The following LHX2 variants were observed in gnomAD, a reference collection of about 807,000 sequenced individuals.
LHX2 encodes the protein LIM/homeobox protein Lhx2.
LHX2 carries 6 observed loss-of-function variants against 33.0 expected under a neutral mutation model. The ratio of observed to expected loss-of-function variants is 0.18; its 90% confidence interval spans 0.10 to 0.36. The LOEUF (loss-of-function observed/expected upper bound fraction) is 0.36, where lower values mean the gene tolerates loss of function less well. LHX2 is among the 10% of genes least tolerant of loss of function. The pLI is 1.00. For synonymous variants in LHX2, 292 were observed against 253.1 expected (o/e 1.15, Z -1.46); for missense variants, 442 against 586.2 (o/e 0.75, Z 2.54).
intron 4 of LHX2, among the ~76,000 whole-genome samples, chr9:124,029,442 A>G (rs1377448928): frequency 6.6e-6 from 1 of 152,258 alleles, no homozygotes; most frequent in East Asian, 1.9e-4. Context: ...GACAACATGA[A>G]GAACAAACCC....
Position 124,021,271 on chromosome 9 carries a change from G to A in LHX2, c.900G>A (p.Ala300=), listed in dbSNP as rs756124870. 3.1e-6 allele frequency: 5 copies of A among 1,613,828 alleles called. No homozygotes were observed. The African/African-American group carries it at 4.0e-5, about 13-fold the overall frequency. ...ACGCCAAGGACTTGAAGCAGCTCGC[G>A]CAAAAGACGGGCCTCACCAAGCGGG... ...NPDAKDLKQL[A]QKTGLTKRVL... is the part of the protein sequence containing the mutation. The change falls in exon 4 of 5, where the codon GCG becomes GCA. Residue 300 remains alanine, a synonymous_variant. Coordinates refer to ENST00000373615, the MANE Select transcript of LHX2 (RefSeq NM_004789.4).
chr9:124,020,001 T>C (rs1329214086), intron 3 of LHX2, among the ~76,000 whole-genome samples: 1 of 152,156 alleles, frequency 6.6e-6, no homozygotes, highest in Non-Finnish European at 1.5e-5. Flanking sequence ...ATGAGGCTCC[T>C]TGTGGTTAGG....
intron 4 of LHX2, among the ~76,000 whole-genome samples, chr9:124,031,272 C>T (rs190092812): frequency 6.6e-6 from 1 of 152,170 alleles, no homozygotes; most frequent in African/African-American, 2.4e-5. Context: ...CTCCCCCAAC[C>T]GATGATGGGG....
At position 124,015,019 on chromosome 9, in the gene LHX2, TGAG is replaced by T. The variant is rs1298914272; in HGVS notation, c.324-98_324-96del. ...CAAATAAAGGCCGGGTTGTTCGTCTTGAGGAGGGGATTGCCCCCCGCAGCAGCA... is the reference window on the plus strand; with the variant it reads ...CAAATAAAGGCCGGGTTGTTCGTCTTGAGGGGATTGCCCCCCGCAGCAGCA... On this transcript the variant is annotated intron_variant, in intron 2 of 4. Transcript: ENST00000373615. This position sits in a 1 kb window ranked among gnomAD's most constrained non-coding sequence, Gnocchi z 7.9. 1.3e-5 allele frequency: 18 copies of T among 1,368,094 alleles called. No individual in the cohort carries two copies. In the East Asian group the frequency reaches 3.5e-4, roughly 26 times the overall value. The allele number at this position is 1,368,094 out of a possible 1,614,324, so 84.7% of individuals were successfully genotyped here. A position where few individuals can be genotyped will look rare whatever the true frequency, so the allele number is the denominator to read the frequency against.
intron 1 of LHX2, among the ~76,000 whole-genome samples, chr9:124,013,662 G>C (rs1265775233): frequency 6.6e-6 from 1 of 152,260 alleles, no homozygotes; most frequent in African/African-American, 2.4e-5. Context: ...CGAGCATTTT[G>C]GGGGAAAGGA....
At chr9:124,021,671 C>T (rs1310627644) in intron 4 of LHX2, 2 of 189,768 alleles carry the variant, frequency 1.1e-5, no homozygotes, top group Non-Finnish European at 2.2e-5. Context: ...TCAAACATTT[C>T]AGATAAATCT....
At chr9:124,019,886 C>A (rs1023041178) in intron 3 of LHX2, among the ~76,000 whole-genome samples, 4 of 152,204 alleles carry the variant, frequency 2.6e-5, no homozygotes, top group Non-Finnish European at 1.5e-5. Flanking sequence ...AGGGGTCCTG[C>A]AGGTCCCCAT....
chr9:124,012,388 G>T lies in LHX2; in HGVS notation c.40G>T (p.Val14Phe). 6.5e-7 allele frequency: 1 copy of T among 1,532,330 alleles called. No homozygotes were observed. Among genetic ancestry groups the T allele is most frequent in the Non-Finnish European group, 8.7e-7 (1 of 1,144,160 alleles). 94.9% of individuals were successfully genotyped at this position (1,532,330 alleles called of 1,614,324 possible). Residue 14 changes from valine to phenylalanine, a missense_variant, in exon 1 of 5, where the codon GTC becomes TTC. This residue lies in a region of LHX2 where 97 missense variants were observed against 81.5 expected (regional missense o/e 1.19). Transcript: ENST00000373615. The surrounding 1 kb of genome is among the most constrained non-coding windows in gnomAD (Gnocchi z 4.3). ...TCTGTCGGGCCCCGAGGTGCACGGG[G>T]TCATCGACGAGATGGACCGCAGGGC... ...HSLSGPEVHG[V>F]IDEMDRRAKS...
intron 1 of LHX2, 134 bp from the exon 2 acceptor site, chr9:124,013,827 G>T: frequency 2.6e-6 from 2 of 767,646 alleles, no homozygotes; most frequent in Non-Finnish European, 4.2e-6. Context: ...GAAGCGCGCC[G>T]CATGTCCTGG....
intron 3 of LHX2, among the ~76,000 whole-genome samples, chr9:124,019,333 G>T (rs183659226): frequency 7.2e-5 from 11 of 152,350 alleles, no homozygotes; most frequent in African/African-American, 2.6e-4. Context: ...GGCAGGGGAA[G>T]GGGGAGGTCA....
intron 3 of LHX2, among the ~76,000 whole-genome samples, chr9:124,018,874 C>T (rs1417201855): frequency 6.6e-6 from 1 of 152,182 alleles, no homozygotes; most frequent in Admixed American, 6.5e-5. Flanking sequence ...TGTCCCCCTC[C>T]CCCGCACTAC....
At chr9:124,013,897 CCGGCGG>C in intron 1 of LHX2, 58 bp from the exon 2 acceptor site, 1 of 1,521,500 alleles carries the variant, frequency 6.6e-7, no homozygotes, top group Non-Finnish European at 9.0e-7. Context: ...TGCCGGTTTC[CCGGCGG>C]CGGAGGGGCC....
intron 4 of LHX2, among the ~76,000 whole-genome samples, chr9:124,030,627 CTTTTTTTTTTTTT>C (rs35399092): frequency 1.9e-5 from 2 of 105,600 alleles, no homozygotes; most frequent in Non-Finnish European, 3.7e-5. Context: ...TTTTTCTTTT[CTTTTTTTTTTTTT>C]TTTTTTTTTG....
rs1441159636 is a variant in LHX2, at chr9:124,012,936, G to T, written c.120+468G>T. Among the ~76,000 whole-genome samples the T allele has an allele frequency of 6.6e-6, 1 of 152,240 alleles. No homozygotes were observed. The highest frequency in any genetic ancestry group is 1.5e-5 in the Non-Finnish European group (1 of 68,046). On this transcript the variant is annotated intron_variant, in intron 1 of 4. Transcript: ENST00000373615. This position sits in a 1 kb window ranked among gnomAD's most constrained non-coding sequence, Gnocchi z 4.3. The stretch of plus-strand genomic sequence containing the variant: ...TCGGGGATCCTCCTCAACCCCCAGC[G>T]CAGTTTCAGAGGCCGAAGTCTTCGG...
At position 124,032,398 on chromosome 9, in the gene LHX2, C is replaced by A; in HGVS notation, c.934-22C>A. On this transcript the variant is annotated intron_variant, in intron 4 of 4. Transcript: ENST00000373615. This position sits in a 1 kb window ranked among gnomAD's most constrained non-coding sequence, Gnocchi z 4.1. ...CTCTGCCTGCCTTCCGCTCACCAGC[C>A]CTTCCCTGTCGTCCCCCGCAGGTCT... 1 of 1,561,370 alleles carries A rather than the reference C, an allele frequency of 6.4e-7. No homozygotes were observed. Among genetic ancestry groups the A allele is most frequent in the Non-Finnish European group, 8.7e-7 (1 of 1,153,746 alleles).
At chr9:124,017,380 G>A (rs1433550790) in intron 3 of LHX2, among the ~76,000 whole-genome samples, 1 of 152,138 alleles carries the variant, frequency 6.6e-6, no homozygotes, top group Non-Finnish European at 1.5e-5. Flanking sequence ...GACTAGGTTG[G>A]GGAAAGAGGG....
rs1219472044 is a variant in LHX2, at chr9:124,012,890, C to T, written c.120+422C>T. Among the ~76,000 whole-genome samples the T allele has an allele frequency of 6.6e-6, 1 of 152,192 alleles. No individual in the cohort carries two copies. Among genetic ancestry groups the T allele is most frequent in the African/African-American group, 2.4e-5 (1 of 41,452 alleles). On this transcript the variant is annotated intron_variant, in intron 1 of 4. Transcript: ENST00000373615. The surrounding 1 kb of genome is among the most constrained non-coding windows in gnomAD (Gnocchi z 4.3). Reference sequence around the variant, plus strand: ...GCATTGGGGCTCCAGCCGGCTTGGGCCGCTCCCAGCTTTCCGGCAATCGGG... The same window carrying T: ...GCATTGGGGCTCCAGCCGGCTTGGGTCGCTCCCAGCTTTCCGGCAATCGGG...
intron 4 of LHX2, chr9:124,031,553 G>A (rs1185324957): frequency 6.6e-6 from 1 of 152,112 alleles, no homozygotes; most frequent in Non-Finnish European, 1.5e-5. Flanking sequence ...GCAACATGAG[G>A]CACACATTTA....
chr9:124,012,425 C>T lies in LHX2; in HGVS notation c.77C>T (p.Ala26Val), dbSNP rs1042853209. 3 of 1,537,756 alleles carry T rather than the reference C, an allele frequency of 2.0e-6. No homozygotes were observed. The highest frequency in any genetic ancestry group is 2.4e-5 in the South Asian group (2 of 83,348). ...ATGGACCGCAGGGCCAAGAGCGAGG[C>T]TCCCGCCATCAGCTCCGCCATCGAC... is the stretch of plus-strand genomic sequence containing the variant. ...DEMDRRAKSE[A>V]PAISSAIDRG... is the part of the protein sequence containing the mutation. The change falls in exon 1 of 5, where the codon GCT (alanine) becomes GTT (valine). Residue 26 changes from alanine (A) to valine (V), a missense_variant. Transcript: ENST00000373615. This position sits in a 1 kb window ranked among gnomAD's most constrained non-coding sequence, Gnocchi z 4.3.
Sources: gnomAD v4.1 joint callset for allele counts (sites outside exome capture counted in the v4.1 genomes callset) on GRCh38, gnomAD v4.1.1 for gene constraint, gnomAD v4.1.1 regional missense constraint, Gnocchi (gnomAD v3.1) non-coding constraint, MANE v1.5 for transcripts, NCBI Gene and HGNC (gene_info 2026-07-23, HGNC 2026-07-21) for gene names.